Variants in RFFL observed in about 807,000 individuals in gnomAD.
RFFL encodes the protein ring finger and FYVE like domain containing E3 ubiquitin protein ligase.
Under a neutral mutation model 40.4 loss-of-function variants are expected in RFFL, and 16 were observed. That is an observed-to-expected ratio of 0.40 (90% CI 0.27 to 0.60). The LOEUF (loss-of-function observed/expected upper bound fraction) is 0.60. Among genes scored for constraint, RFFL ranks in the 20% least tolerant of loss-of-function variants. The pLI is 0.47. For synonymous variants in RFFL, 154 were observed against 167.9 expected (o/e 0.92, Z 0.64); for missense variants, 367 against 451.7 (o/e 0.81, Z 1.70).
chr17:35,053,167 A>C (rs16970590), intron 1 of RFFL, among the ~76,000 whole-genome samples: 4 of 152,204 alleles, frequency 2.6e-5, no homozygotes, highest in African/African-American at 4.8e-5. Context: ...AGGAGCTGGA[A>C]GAAACTCAAA....
chr17:35,018,701 G>T (rs182405387), intron 3 of RFFL: 1 of 152,254 alleles, frequency 6.6e-6, no homozygotes, highest in Non-Finnish European at 1.5e-5. Context: ...AAAAGCAGAA[G>T]TAACAAAATG....
At chr17:35,031,726 G>C (rs1487732532) in intron 1 of RFFL, among the ~76,000 whole-genome samples, 2 of 151,930 alleles carry the variant, frequency 1.3e-5, no homozygotes, top group African/African-American at 4.9e-5. Flanking sequence ...GGGAGTAACT[G>C]GGACTTTACC....
intron 2 of RFFL, chr17:35,025,405 C>A (rs1439725533): frequency 2.6e-5 from 4 of 152,148 alleles, no homozygotes; most frequent in Non-Finnish European, 4.4e-5. Context: ...GAATTTAACA[C>A]ATTCAATGTT....
At chr17:35,059,842 T>G (rs8065886) in intron 1 of RFFL, among the ~76,000 whole-genome samples, 1 of 152,050 alleles carries the variant, frequency 6.6e-6, no homozygotes, top group Non-Finnish European at 1.5e-5. Context: ...TTAAAACTTA[T>G]AATGATAAGA....
intron 1 of RFFL, among the ~76,000 whole-genome samples, chr17:35,048,952 A>G (rs2091216210): frequency 6.6e-6 from 1 of 152,174 alleles, no homozygotes; most frequent in Admixed American, 6.6e-5. Context: ...ATCTACGCCA[A>G]GCAGCAGAAA....
intron 1 of RFFL, among the ~76,000 whole-genome samples, chr17:35,041,103 A>G (rs1421656788): frequency 1.3e-5 from 2 of 151,918 alleles, no homozygotes; most frequent in Non-Finnish European, 2.9e-5. Flanking sequence ...TTATTTGCTT[A>G]TTTATTAACT....
chr17:35,032,321 A>T (rs2091090408), intron 1 of RFFL, among the ~76,000 whole-genome samples: 1 of 152,024 alleles, frequency 6.6e-6, no homozygotes, highest in Non-Finnish European at 1.5e-5. Context: ...TGTGGGACAG[A>T]TCAGCAAGGG....
At chr17:35,066,411 G>A (rs1567715154), upstream of RFFL, among the ~76,000 whole-genome samples, 1 of 152,110 alleles carries the variant, frequency 6.6e-6, no homozygotes, top group Non-Finnish European at 1.5e-5. Flanking sequence ...CAAATCCACA[G>A]AAAATTACCA....
intron 1 of RFFL, among the ~76,000 whole-genome samples, chr17:35,045,129 C>A (rs948703009): frequency 3.3e-5 from 5 of 152,112 alleles, no homozygotes; most frequent in African/African-American, 1.2e-4. Flanking sequence ...GTAAGAGGAA[C>A]AACAACAGGC....
intron 1 of RFFL, among the ~76,000 whole-genome samples, chr17:35,055,083 A>G (rs949714615): frequency 6.6e-6 from 1 of 151,870 alleles, no homozygotes; most frequent in African/African-American, 2.4e-5. Flanking sequence ...ACGCCTGGCC[A>G]ATTTTTTTGT....
intron 1 of RFFL, among the ~76,000 whole-genome samples, chr17:35,044,744 C>G (rs2091187513): frequency 6.6e-6 from 1 of 152,176 alleles, no homozygotes; most frequent in Non-Finnish European, 1.5e-5. Context: ...GTTATTTTGG[C>G]TTTAGGAATC....
At chr17:35,088,097 G>C (rs144049681) in intron 1 of RFFL, among the ~76,000 whole-genome samples, 7 of 152,286 alleles carry the variant, frequency 4.6e-5, no homozygotes, top group Admixed American at 1.3e-4. Flanking sequence ...GTGGTTAACA[G>C]GAAGTCTCTC....
At chr17:35,060,077 C>T (rs1421659979) in intron 1 of RFFL, among the ~76,000 whole-genome samples, 1 of 152,192 alleles carries the variant, frequency 6.6e-6, no homozygotes, top group Admixed American at 6.5e-5. Context: ...AGGTTTTCTG[C>T]CCTTAACACT....
Position 35,016,590 on chromosome 17 carries a change from CA to C in RFFL, c.676-11del. ...CCTCTGAGTCAATAGACTGCAATGA[CA>C]AAGATGAGATCAGTGTGCTCAGCTC... On this transcript the variant is annotated splice_polypyrimidine_tract_variant and intron_variant, in intron 4 of 6. Transcript: ENST00000394597. The C allele has an allele frequency of 6.2e-7, 1 of 1,610,008 alleles. No individual in the cohort carries two copies. The highest frequency in any genetic ancestry group is 8.5e-7 in the Non-Finnish European group (1 of 1,176,404).
intron 1 of RFFL, among the ~76,000 whole-genome samples, chr17:35,044,421 A>G (rs1479723112): frequency 6.6e-6 from 1 of 152,176 alleles, no homozygotes; most frequent in African/African-American, 2.4e-5. Flanking sequence ...CGGCAGGCTC[A>G]CGCCTGTAAT....
chr17:35,032,090 G>A (rs1251188187), intron 1 of RFFL, among the ~76,000 whole-genome samples: 19 of 129,824 alleles, frequency 1.5e-4, no homozygotes, highest in Admixed American at 1.0e-3. Context: ...GCGAGACTCC[G>A]TCTCAAAAAA....
At chr17:35,026,622 G>T in intron 1 of RFFL, 61 bp from the exon 2 acceptor site, 1 of 1,371,236 alleles carries the variant, frequency 7.3e-7, no homozygotes, top group Non-Finnish European at 1.0e-6. Flanking sequence ...CTGTCCTTTT[G>T]ATGTCCGAGA....
At chr17:35,087,248 G>A (rs1049806186) in intron 1 of RFFL, among the ~76,000 whole-genome samples, 5 of 152,056 alleles carry the variant, frequency 3.3e-5, no homozygotes, top group Non-Finnish European at 7.4e-5. Context: ...CTACTCAGGA[G>A]GCTGAGAAGG....
rs2090925319 is a variant in RFFL at position 35,009,930 on chromosome 17, CTA to C, written c.*2036_*2037del. The C allele has an allele frequency of 6.6e-6, 1 of 152,598 alleles. No individual in the cohort carries two copies. The highest frequency in any genetic ancestry group is 1.5e-5 in the Non-Finnish European group (1 of 68,038). The allele number at this position is 152,598 out of a possible 1,614,324, so 9.5% of individuals were successfully genotyped here. A position where few individuals can be genotyped will look rare whatever the true frequency, so the allele number is the denominator to read the frequency against. The stretch of plus-strand genomic sequence containing the variant: ...TTTGCTAATTGGTAGGCATTGTAAA[CTA>C]TAGTATTTACTGCCCATGACAAAAG... On this transcript the variant is annotated 3_prime_UTR_variant, in exon 7 of 7. Transcript: ENST00000394597.
Sources: gnomAD v4.1 joint callset for allele counts (sites outside exome capture counted in the v4.1 genomes callset) on GRCh38, gnomAD v4.1.1 for gene constraint, MANE v1.5 for transcripts, NCBI Gene and HGNC (gene_info 2026-07-23, HGNC 2026-07-21) for gene names.